The following COL22A1 variants were observed in gnomAD, a reference collection of about 807,000 sequenced individuals.
The protein encoded by COL22A1 is collagen type XXII alpha 1 chain, also known as collagen alpha-1(XXII) chain.
In COL22A1, 221 loss-of-function variants were observed where a neutral mutation model predicts 248.9. The ratio of observed to expected loss-of-function variants is 0.89; its 90% CI spans 0.80 to 0.99. COL22A1 has a LOEUF of 0.99. Among genes scored for constraint, COL22A1 ranks in the 50% least tolerant of loss-of-function variants. The pLI, the probability that COL22A1 is intolerant of heterozygous loss-of-function variation, is 0.00. For synonymous variants in COL22A1, 891 were observed against 793.4 expected, an observed-to-expected ratio of 1.12 and a Z score of -2.07; for missense variants, 2,240 against 2,179.0, an observed-to-expected ratio of 1.03 and a Z score of -0.56.
intron 2 of COL22A1, among the ~76,000 whole-genome samples, chr8:138,879,650 C>T (rs1302667810): frequency 7.3e-6 from 1 of 136,456 alleles, no homozygotes; most frequent in Non-Finnish European, 1.5e-5. Flanking sequence ...AATATCACAT[C>T]ACTGCCCTCC....
At chr8:138,741,537 AT>A (rs909627815) in intron 22 of COL22A1, among the ~76,000 whole-genome samples, 1 of 152,260 alleles carries the variant, frequency 6.6e-6, no homozygotes. Flanking sequence ...AGAAGAAATG[AT>A]TTAATATTTG....
At chr8:138,856,331 G>A (rs754577210) in intron 3 of COL22A1, among the ~76,000 whole-genome samples, 1 of 152,200 alleles carries the variant, frequency 6.6e-6, no homozygotes, top group Admixed American at 6.5e-5. Flanking sequence ...GTGTGCATTT[G>A]TGTGTGAATG....
chr8:138,761,912 A>G (rs1284217832), intron 17 of COL22A1, among the ~76,000 whole-genome samples: 1 of 152,080 alleles, frequency 6.6e-6, no homozygotes, highest in African/African-American at 2.4e-5. Flanking sequence ...CCCCGACACC[A>G]TTCCCAACAC....
chr8:138,815,328 G>A (rs1029472000), intron 7 of COL22A1, among the ~76,000 whole-genome samples: 9 of 152,142 alleles, frequency 5.9e-5, no homozygotes, highest in Admixed American at 1.3e-4. Flanking sequence ...CAGGACTTCC[G>A]AGAGCAAGGA....
At chr8:138,813,930 A>C (rs1818464747) in intron 7 of COL22A1, among the ~76,000 whole-genome samples, 1 of 152,252 alleles carries the variant, frequency 6.6e-6, no homozygotes, top group South Asian at 2.1e-4. Context: ...TGAACTTTTA[A>C]AATAAAAACT....
At chr8:138,608,118 A>C (rs1818568860) in intron 56 of COL22A1, 129 bp from the exon 57 acceptor site, 1 of 640,462 alleles carries the variant, frequency 1.6e-6, no homozygotes, top group African/African-American at 1.9e-5. Flanking sequence ...TGTGGCTCTC[A>C]GTCTACCACT....
chr8:138,795,595 C>T (rs1035813847), intron 12 of COL22A1, among the ~76,000 whole-genome samples: 10 of 150,938 alleles, frequency 6.6e-5, no homozygotes, highest in Non-Finnish European at 1.5e-4. Context: ...TTGCAAGATG[C>T]TTTAAAAATG....
Position 138,598,703 on chromosome 8 carries a change from A to G in COL22A1, c.4365+16T>C, listed in dbSNP as rs767783368. 22 of 1,607,870 alleles carry G rather than the reference A, an allele frequency of 1.4e-5. No individual in the cohort carries two copies. The highest frequency in any genetic ancestry group is 1.9e-4 in the Middle Eastern group (1 of 5,174). ...CCCGAGGAGCCCCGAGTCCAAAGCC[A>G]TATTAGCATCCTTACCCTCAGTCCT... On this transcript the variant is annotated intron_variant, in intron 61 of 64. Transcript: ENST00000303045.
chr8:138,647,321 A>G (rs1369925754), intron 46 of COL22A1, among the ~76,000 whole-genome samples: 1 of 152,158 alleles, frequency 6.6e-6, no homozygotes, highest in African/African-American at 2.4e-5. Flanking sequence ...GAAAGACCTG[A>G]GCCAAAACAA....
chr8:138,796,885 C>A (rs774886750), intron 11 of COL22A1, 28 bp from the exon 12 acceptor site: 1 of 1,463,038 alleles, frequency 6.8e-7, no homozygotes, highest in Non-Finnish European at 9.6e-7. Flanking sequence ...GGCAAAGATT[C>A]ACTACAGAGC....
chr8:138,661,483 G>C (rs1427954537), intron 43 of COL22A1, among the ~76,000 whole-genome samples: 2 of 152,210 alleles, frequency 1.3e-5, no homozygotes, highest in Non-Finnish European at 2.9e-5. Flanking sequence ...CTGGCACGCT[G>C]CTGGGCACCA....
chr8:138,687,081 C>G (rs1826417642), intron 37 of COL22A1, among the ~76,000 whole-genome samples: 2 of 152,154 alleles, frequency 1.3e-5, no homozygotes, highest in Non-Finnish European at 2.9e-5. Flanking sequence ...CTCAGCTTCC[C>G]AAGTAGCTGG....
intron 1 of COL22A1, among the ~76,000 whole-genome samples, chr8:138,910,540 CT>C (rs1815381113): frequency 1.3e-5 from 2 of 152,096 alleles, no homozygotes; most frequent in Admixed American, 6.5e-5. Context: ...GATAATGGCA[CT>C]TTTCCCATCT....
intron 64 of COL22A1, among the ~76,000 whole-genome samples, chr8:138,589,647 G>T (rs895056282): frequency 2.6e-5 from 4 of 152,168 alleles, no homozygotes; most frequent in Non-Finnish European, 5.9e-5. Flanking sequence ...AGAAGAAGGG[G>T]TTGCTTTAAC....
intron 45 of COL22A1, among the ~76,000 whole-genome samples, chr8:138,652,913 A>C (rs895678106): frequency 2.6e-5 from 4 of 151,106 alleles, no homozygotes; most frequent in African/African-American, 9.7e-5. Flanking sequence ...CGTCTGACTA[A>C]TTTTTGTATT....
chr8:138,703,227 A>G, intron 31 of COL22A1, 79 bp downstream of exon 31: 2 of 1,258,228 alleles, frequency 1.6e-6, no homozygotes, highest in Non-Finnish European at 1.2e-6. Flanking sequence ...AAAACTAAGT[A>G]GTGGCAGTTG....
At chr8:138,624,978 A>G (rs1176888940) in intron 51 of COL22A1, among the ~76,000 whole-genome samples, 1 of 152,268 alleles carries the variant, frequency 6.6e-6, no homozygotes, top group Non-Finnish European at 1.5e-5. Flanking sequence ...CCTACAGCAC[A>G]GAATATAACC....
chr8:138,691,702 G>C (rs972512809), intron 35 of COL22A1, among the ~76,000 whole-genome samples: 7 of 43,106 alleles, frequency 1.6e-4, no homozygotes, highest in Non-Finnish European at 3.4e-4. Context: ...GTGCATATTT[G>C]TGGAGGTGTG....
chr8:138,637,816 CATG>C (rs1190356200), intron 47 of COL22A1, among the ~76,000 whole-genome samples: 1 of 150,904 alleles, frequency 6.6e-6, no homozygotes, highest in Non-Finnish European at 1.5e-5. Context: ...TCAGTATCAC[CATG>C]ATGATCATCA....
Sources: gnomAD v4.1 joint callset for allele counts (sites outside exome capture counted in the v4.1 genomes callset) on GRCh38, gnomAD v4.1.1 for gene constraint, MANE v1.5 for transcripts, NCBI Gene and HGNC (gene_info 2026-07-23, HGNC 2026-07-21) for gene names.